ERBB4: variants seen among roughly 807,000 people sequenced by gnomAD.
ERBB4 encodes the protein receptor tyrosine-protein kinase erbB-4.
In ERBB4, 42 loss-of-function variants were observed where a neutral mutation model predicts 158.0. The observed-to-expected ratio is 0.27, with a 90% CI of 0.21 to 0.34. The LOEUF (loss-of-function observed/expected upper bound fraction) is 0.34, where lower values mean the gene tolerates loss of function less well. Ranked by LOEUF, ERBB4 falls within the 10% of genes least tolerant of loss-of-function variation. The probability of loss-of-function intolerance (pLI) is 1.00; values close to 1 mark genes in which losing one functional copy is unlikely to be tolerated. For synonymous variants in ERBB4, 583 were observed against 558.7 expected (o/e 1.04, Z -0.61); for missense variants, 1,333 against 1,624.1 (o/e 0.82, Z 3.08).
intron 1 of ERBB4, among the ~76,000 whole-genome samples, chr2:212,256,906 G>A (rs1320820519): frequency 6.6e-6 from 1 of 152,178 alleles, no homozygotes; most frequent in East Asian, 1.9e-4. Flanking sequence ...CAGCGTTTGT[G>A]TTATTTAAAT....
intron 1 of ERBB4, among the ~76,000 whole-genome samples, chr2:212,470,675 T>C (rs540980663): frequency 2.0e-5 from 3 of 152,240 alleles, no homozygotes; most frequent in South Asian, 4.1e-4. Flanking sequence ...GATTTTCTAG[T>C]TCCTGTTTCA....
rs559260031 is a variant in ERBB4, at chr2:211,843,652, T to G, written c.422-55493A>C. ...TCCTTAAGCTAGTTTTATGTTTATCTTAGTTTCGTTCTGTGTTCCCTTTTA... is the reference window on the plus strand; with the variant it reads ...TCCTTAAGCTAGTTTTATGTTTATCGTAGTTTCGTTCTGTGTTCCCTTTTA... On this transcript the variant is annotated intron_variant, in intron 3 of 27. Transcript: ENST00000342788. Among the ~76,000 whole-genome samples, 11 of 115,934 alleles carry G rather than the reference T, an allele frequency of 9.5e-5. 1 individual carries two copies. Among genetic ancestry groups the G allele is most frequent in the Non-Finnish European group, 7.7e-5 (4 of 51,758 alleles). The allele number at this position is 115,934 out of a possible 152,430, so 76.1% of individuals were successfully genotyped here.
Position 212,538,625 on chromosome 2 carries a change from C to CGTGGGGGTGCGAGGGGG in ERBB4, c.-112_-96dup. On this transcript the variant is annotated 5_prime_UTR_variant, in exon 1 of 28. Coordinates refer to ENST00000342788, the MANE Select transcript of ERBB4 (RefSeq NM_005235.3). ...GGAGGAGATCCCCCAGCCGGGCGCG[C>CGTGGGGGTGCGAGGGGG]GTGGGGGTGCGAGGGGGGCGGGCGC... 1.5e-6 allele frequency: 2 copies of CGTGGGGGTGCGAGGGGG among 1,322,996 alleles called. No homozygotes were observed. Among genetic ancestry groups the CGTGGGGGTGCGAGGGGG allele is most frequent in the Middle Eastern group, 3.7e-4 (2 of 5,462 alleles). 82.0% of individuals were successfully genotyped at this position (1,322,996 alleles called of 1,614,324 possible).
At position 211,601,962 on chromosome 2, in the gene ERBB4, T is replaced by C. The variant is rs113567302; in HGVS notation, c.2301+17215A>G. On this transcript the variant is annotated intron_variant, in intron 19 of 27. Transcript: ENST00000342788. ...TATAAATATACCTTTCAATGTGTCC[T>C]CTGTGATAAATAAGTGAGTTCTTTT... Among the ~76,000 whole-genome samples, 182 of 152,332 alleles carry C rather than the reference T, an allele frequency of 1.2e-3. 1 individual carries two copies. Among genetic ancestry groups the C allele is most frequent in the African/African-American group, 3.5e-3 (147 of 41,586 alleles).
At chr2:211,494,501 C>T (rs1408967082) in intron 20 of ERBB4, among the ~76,000 whole-genome samples, 1 of 152,132 alleles carries the variant, frequency 6.6e-6, no homozygotes, top group Non-Finnish European at 1.5e-5. Context: ...CCTTTGACTT[C>T]ACTCTGTTTT....
In ERBB4 at chr2:212,043,989, G is replaced by A. The variant is rs184603297; in HGVS notation, c.234+80763C>T. 3.5e-4 allele frequency among the ~76,000 whole-genome samples: 53 copies of A among 152,012 alleles called. 2 individuals are homozygous for A. The South Asian group carries it at 0.01, about 30-fold the overall frequency. On this transcript the variant is annotated intron_variant, in intron 2 of 27. Coordinates refer to ENST00000342788, the MANE Select transcript of ERBB4 (RefSeq NM_005235.3). ...TTTCTTTATGTTCTTTGGAAAACAC[G>A]TCATACAAAGTTCATAATCATCGAG...
chr2:212,378,980 G>A (rs536016536), intron 1 of ERBB4, among the ~76,000 whole-genome samples: 2 of 150,722 alleles, frequency 1.3e-5, no homozygotes, highest in Admixed American at 1.3e-4. Flanking sequence ...TTTTTCTTTT[G>A]TAATTTTGAA....
At chr2:211,434,966 A>G (rs888982931) in intron 20 of ERBB4, among the ~76,000 whole-genome samples, 9 of 152,198 alleles carry the variant, frequency 5.9e-5, no homozygotes, top group African/African-American at 1.9e-4. Flanking sequence ...TGAATCATCT[A>G]TGGATTGCTC....
chr2:211,899,797 C>G (rs2079187244), intron 3 of ERBB4, among the ~76,000 whole-genome samples: 1 of 152,068 alleles, frequency 6.6e-6, no homozygotes, highest in Non-Finnish European at 1.5e-5. Flanking sequence ...TGCTACTTCC[C>G]TAAGCATAGT....
chr2:211,530,784 G>A (rs1398603828), intron 20 of ERBB4, among the ~76,000 whole-genome samples: 1 of 152,116 alleles, frequency 6.6e-6, no homozygotes, highest in Non-Finnish European at 1.5e-5. Context: ...CAGATACTCA[G>A]GAGGCTGAAG....
intron 1 of ERBB4, among the ~76,000 whole-genome samples, chr2:212,225,963 C>T (rs2888087): frequency 0.13 from 19,216 of 152,070 alleles, 3,871 homozygotes; most frequent in African/African-American, 0.43. Flanking sequence ...AGATATTTTG[C>T]AGATATAATT....
At chr2:211,851,041 C>T (rs2077709273) in intron 3 of ERBB4, among the ~76,000 whole-genome samples, 1 of 151,868 alleles carries the variant, frequency 6.6e-6, no homozygotes, top group Non-Finnish European at 1.5e-5. Context: ...TAAATTGTCT[C>T]AGATACTCAT....
At chr2:211,746,189 C>T (rs2106197055) in intron 5 of ERBB4, among the ~76,000 whole-genome samples, 1 of 151,992 alleles carries the variant, frequency 6.6e-6, no homozygotes. Flanking sequence ...GCCAAGAAGA[C>T]AGGATTGCTT....
chr2:212,092,159 C>T (rs1478057195), intron 2 of ERBB4, among the ~76,000 whole-genome samples: 1 of 152,120 alleles, frequency 6.6e-6, no homozygotes, highest in Non-Finnish European at 1.5e-5. Flanking sequence ...ATTGTGTGTA[C>T]ATAATTTTCA....
At chr2:211,908,561 T>C (rs1349233442) in intron 3 of ERBB4, among the ~76,000 whole-genome samples, 3 of 151,804 alleles carry the variant, frequency 2.0e-5, no homozygotes, top group African/African-American at 7.2e-5. Flanking sequence ...GTATACCAAA[T>C]GTATATGAAT....
chr2:211,942,963 A>G (rs1229082101), intron 3 of ERBB4, among the ~76,000 whole-genome samples: 3 of 152,188 alleles, frequency 2.0e-5, no homozygotes, highest in Admixed American at 1.3e-4. Flanking sequence ...TATCTATTTT[A>G]TATGGATATA....
At chr2:212,523,626 G>T (rs555548649) in intron 1 of ERBB4, among the ~76,000 whole-genome samples, 5 of 151,938 alleles carry the variant, frequency 3.3e-5, no homozygotes, top group Non-Finnish European at 5.9e-5. Context: ...AGGATGATGA[G>T]GAGCAGATGG....
chr2:212,422,454 T>A (rs1471854718), intron 1 of ERBB4, among the ~76,000 whole-genome samples: 1 of 151,786 alleles, frequency 6.6e-6, no homozygotes, highest in African/African-American at 2.4e-5. Flanking sequence ...GCTGAGATCA[T>A]GCCCCTGCAC....
chr2:211,504,664 A>C (rs189650579), intron 20 of ERBB4, among the ~76,000 whole-genome samples: 2 of 152,272 alleles, frequency 1.3e-5, no homozygotes, highest in East Asian at 1.9e-4. Flanking sequence ...GATTGCAAGG[A>C]AGACCAATGA....
Sources: gnomAD v4.1 joint callset for allele counts (sites outside exome capture counted in the v4.1 genomes callset) on GRCh38, gnomAD v4.1.1 for gene constraint, MANE v1.5 for transcripts, NCBI Gene and HGNC (gene_info 2026-07-23, HGNC 2026-07-21) for gene names.